Variants in DIAPH2 observed in about 807,000 individuals in gnomAD.
The protein encoded by DIAPH2 is diaphanous related formin 2.
A neutral mutation model predicts 92.7 loss-of-function variants in DIAPH2; 35 were observed. The observed-to-expected ratio is 0.38, with a 90% confidence interval of 0.29 to 0.50. DIAPH2 has a LOEUF of 0.50. Ranked by LOEUF, DIAPH2 falls within the 20% of genes least tolerant of loss-of-function variation. The pLI is 0.94. For synonymous variants in DIAPH2, 301 were observed against 280.4 expected (o/e 1.07, Z -0.73); for missense variants, 701 against 819.5 (o/e 0.86, Z 1.77).
At chrX:97,314,937 C>T (rs1293038828) in intron 23 of DIAPH2, among the ~76,000 whole-genome samples, 1 of 111,592 alleles carries the variant, frequency 9.0e-6, no homozygotes, top group East Asian at 2.8e-4. Flanking sequence ...AATTGATCCA[C>T]ATGTTTAACA....
intron 26 of DIAPH2, among the ~76,000 whole-genome samples, chrX:97,525,148 C>G (rs983856306): frequency 3.6e-5 from 4 of 112,120 alleles, no homozygotes; most frequent in African/African-American, 1.3e-4. Context: ...GCCCGTTTTC[C>G]TTCCTAAATA....
rs903307252 is a variant in DIAPH2 at position 97,600,612 on chromosome X, T to TGTC, written c.*1296_*1298dup. ...GAGTAAAAGTTATACTTAACTTGTC[T>TGTC]GTCTATTATTTTAAAATATGCATTG... On this transcript the variant is annotated 3_prime_UTR_variant, in exon 27 of 27. Transcript: ENST00000324765. 1.8e-5 allele frequency: 2 copies of TGTC among 112,644 alleles called. No homozygotes were observed. The highest frequency in any genetic ancestry group is 6.5e-5 in the African/African-American group (2 of 30,955). 9.3% of individuals were successfully genotyped at this position (112,644 alleles called of 1,213,427 possible). A position where few individuals can be genotyped will look rare whatever the true frequency, so the allele number is the denominator to read the frequency against.
At chrX:96,776,267 G>A (rs985281072) in intron 4 of DIAPH2, among the ~76,000 whole-genome samples, 1 of 110,982 alleles carries the variant, frequency 9.0e-6, no homozygotes, top group Non-Finnish European at 1.9e-5. Context: ...CTGGAGTGCA[G>A]TGGCGCAATC....
intron 17 of DIAPH2, among the ~76,000 whole-genome samples, chrX:96,968,745 G>A (rs1208807338): frequency 9.0e-6 from 1 of 111,629 alleles, no homozygotes; most frequent in Non-Finnish European, 1.9e-5. Context: ...AATTAAGTTC[G>A]ATTCATCAAT....
intron 1 of DIAPH2, among the ~76,000 whole-genome samples, chrX:96,730,193 T>C (rs973371815): frequency 8.9e-6 from 1 of 112,209 alleles, no homozygotes; most frequent in African/African-American, 3.2e-5. Flanking sequence ...GTTCAGTGAT[T>C]GCAAAAGGAA....
intron 22 of DIAPH2, among the ~76,000 whole-genome samples, chrX:97,175,865 A>C (rs759085080): frequency 1.8e-5 from 2 of 112,415 alleles, no homozygotes; most frequent in Non-Finnish European, 3.8e-5. Flanking sequence ...GTGAAAAGTC[A>C]GTTACTTTTC....
At chrX:97,321,636 G>A (rs1356809553) in intron 23 of DIAPH2, among the ~76,000 whole-genome samples, 12 of 94,331 alleles carry the variant, frequency 1.3e-4, no homozygotes, top group African/African-American at 2.0e-4. Context: ...TGCAAACTCC[G>A]CCTCCCAGGT....
At chrX:97,005,260 T>G (rs2066172196) in intron 17 of DIAPH2, among the ~76,000 whole-genome samples, 1 of 111,162 alleles carries the variant, frequency 9.0e-6, no homozygotes. Flanking sequence ...AGTTTTCTTT[T>G]TTAATGTGTC....
Position 97,185,483 on chromosome X carries a change from A to G in DIAPH2, c.2719+43689A>G, listed in dbSNP as rs926291012. 1.7e-3 allele frequency among the ~76,000 whole-genome samples: 15 copies of G among 8,580 alleles called. 1 individual carries two copies. Among genetic ancestry groups the G allele is most frequent in the Non-Finnish European group, 2.4e-3 (7 of 2,922 alleles). 7.5% of individuals were successfully genotyped at this position (8,580 alleles called of 115,157 possible). A position where few individuals can be genotyped will look rare whatever the true frequency, so the allele number is the denominator to read the frequency against. On this transcript the variant is annotated intron_variant, in intron 22 of 26. Coordinates refer to ENST00000324765, the MANE Select transcript of DIAPH2 (RefSeq NM_006729.5). ...TATATATATATATACACATATATATATATATATATATATATATATATATAT... is the reference window on the plus strand; with the variant it reads ...TATATATATATATACACATATATATGTATATATATATATATATATATATAT...
At chrX:97,334,602 G>A (rs1258656336) in intron 23 of DIAPH2, among the ~76,000 whole-genome samples, 1 of 109,263 alleles carries the variant, frequency 9.2e-6, no homozygotes, top group Non-Finnish European at 1.9e-5. Flanking sequence ...TTACTTCCTT[G>A]TGAAACTTCC....
At chrX:97,579,696 T>C (rs1205200344) in intron 26 of DIAPH2, among the ~76,000 whole-genome samples, 7 of 110,492 alleles carry the variant, frequency 6.3e-5, no homozygotes, top group African/African-American at 2.3e-4. Context: ...TTTTTCCAAT[T>C]CTGTGAAGAA....
chrX:97,141,697 A>C lies in DIAPH2; in HGVS notation c.2622A>C (p.Thr874=), dbSNP rs777560035. Residue 874 remains threonine (T), a synonymous_variant, in exon 22 of 27, where the codon ACA becomes ACC. Coordinates refer to ENST00000324765, the MANE Select transcript of DIAPH2 (RefSeq NM_006729.5). The part of the protein sequence containing the change: ...IRDTKSADQK[T]TLLHFIADIC... Reference sequence around the variant, plus strand: ...ATACTAAATCAGCGGATCAAAAAACAACCCTTTTGCATTTTATTGCCGACA... The same window carrying C: ...ATACTAAATCAGCGGATCAAAAAACCACCCTTTTGCATTTTATTGCCGACA... The C allele has an allele frequency of 5.8e-6, 7 of 1,203,351 alleles. No individual in the cohort carries two copies. The highest frequency in any genetic ancestry group is 2.3e-4 in the Middle Eastern group (1 of 4,339).
At chrX:96,995,647 G>T (rs937850642) in intron 17 of DIAPH2, among the ~76,000 whole-genome samples, 3 of 111,302 alleles carry the variant, frequency 2.7e-5, no homozygotes, top group African/African-American at 9.8e-5. Context: ...GTTGACAAAT[G>T]AATGAAATGT....
chrX:96,910,682 ATACT>A (rs1480739641), intron 5 of DIAPH2, among the ~76,000 whole-genome samples: 5 of 111,709 alleles, frequency 4.5e-5, no homozygotes, highest in Non-Finnish European at 7.5e-5. Context: ...AAATTAGCAA[ATACT>A]TACTTAGTGT....
chrX:97,226,467 A>G (rs1202849718), intron 22 of DIAPH2, among the ~76,000 whole-genome samples: 5 of 110,578 alleles, frequency 4.5e-5, no homozygotes, highest in African/African-American at 1.6e-4. Context: ...TCCACCTCCC[A>G]GGTTCAAGTG....
intron 17 of DIAPH2, among the ~76,000 whole-genome samples, chrX:97,045,466 G>A (rs775152099): frequency 7.5e-4 from 83 of 111,288 alleles, no homozygotes; most frequent in Non-Finnish European, 1.2e-3. Context: ...ATAATACATC[G>A]GGTTGAAATT....
chrX:97,207,990 A>G (rs1020942835), intron 22 of DIAPH2, among the ~76,000 whole-genome samples: 3 of 110,689 alleles, frequency 2.7e-5, no homozygotes, highest in African/African-American at 6.6e-5. Context: ...TGTCTCTACT[A>G]AAAATAGAAA....
intron 1 of DIAPH2, among the ~76,000 whole-genome samples, chrX:96,734,975 G>T (rs2064077642): frequency 9.0e-6 from 1 of 110,809 alleles, no homozygotes; most frequent in Non-Finnish European, 1.9e-5. Flanking sequence ...AAAAAATCTG[G>T]TTCTTTCCTA....
At chrX:97,503,956 A>G (rs994913843) in intron 26 of DIAPH2, among the ~76,000 whole-genome samples, 3 of 111,951 alleles carry the variant, frequency 2.7e-5, no homozygotes, top group Non-Finnish European at 5.6e-5. Flanking sequence ...GTAGCCTCAC[A>G]TTAAATGGAA....
Sources: allele counts gnomAD v4.1 joint callset (sites outside exome capture counted in the v4.1 genomes callset), GRCh38; gene constraint gnomAD v4.1.1; transcripts MANE v1.5; gene names NCBI Gene and HGNC (gene_info 2026-07-23, HGNC 2026-07-21).